The following FHIT variants were observed in gnomAD, a reference collection of about 807,000 sequenced individuals.
FHIT encodes bis(5'-adenosyl)-triphosphatase.
FHIT carries 19 observed loss-of-function variants against 17.9 expected under a neutral mutation model. The observed-to-expected ratio is 1.06, with a 90% CI of 0.74 to 1.56. The LOEUF (loss-of-function observed/expected upper bound fraction) is 1.56, where lower values mean the gene tolerates loss of function less well. Among genes scored for constraint, FHIT ranks in the 40% most tolerant of loss-of-function variants. The pLI is 0.00. For synonymous variants in FHIT, 81 were observed against 69.7 expected, an observed-to-expected ratio of 1.16 and a Z score of -0.81; for missense variants, 248 against 189.2, an observed-to-expected ratio of 1.31 and a Z score of -1.82.
chr3:61,016,114 A>C (rs2032091859), intron 3 of FHIT, among the ~76,000 whole-genome samples: 1 of 152,188 alleles, frequency 6.6e-6, no homozygotes, highest in Non-Finnish European at 1.5e-5. Context: ...AAAAGTTGTA[A>C]ACACATTTAA....
chr3:60,376,169 G>A (rs907700967), intron 5 of FHIT, among the ~76,000 whole-genome samples: 6 of 152,080 alleles, frequency 3.9e-5, no homozygotes, highest in African/African-American at 1.4e-4. Context: ...AAATTATTGA[G>A]ATTTTAAGTA....
intron 5 of FHIT, among the ~76,000 whole-genome samples, chr3:60,472,369 A>AT (rs370195823): frequency 0.35 from 46,716 of 134,512 alleles, 9,152 homozygotes; most frequent in East Asian, 0.6. Context: ...ACAATGCTGT[A>AT]TTTTTTTTTT....
At chr3:60,772,985 T>C (rs1553723554) in intron 4 of FHIT, among the ~76,000 whole-genome samples, 1 of 152,104 alleles carries the variant, frequency 6.6e-6, no homozygotes, top group East Asian at 1.9e-4. Context: ...CAAACTACCT[T>C]TGAAAAGCCC....
At chr3:60,498,192 T>C (rs79012902) in intron 5 of FHIT, among the ~76,000 whole-genome samples, 2,510 of 152,314 alleles carry the variant, frequency 0.016, 46 homozygotes, top group South Asian at 0.072. Flanking sequence ...TTAAATACTA[T>C]TTTAAATTTA....
At chr3:60,062,563 T>C (rs547416074) in intron 5 of FHIT, among the ~76,000 whole-genome samples, 1 of 152,274 alleles carries the variant, frequency 6.6e-6, no homozygotes, top group South Asian at 2.1e-4. Context: ...TAACCCCAGG[T>C]CTCCCAACCC....
At chr3:60,959,637 C>G (rs1553779993) in intron 3 of FHIT, among the ~76,000 whole-genome samples, 3 of 151,928 alleles carry the variant, frequency 2.0e-5, no homozygotes, top group African/African-American at 7.3e-5. Context: ...GAAAATGAAG[C>G]CACTGGAGAT....
At position 59,821,752 on chromosome 3, in the gene FHIT, T is replaced by C. The variant is rs531594584; in HGVS notation, c.349-69431A>G. On this transcript the variant is annotated intron_variant, in intron 8 of 9. Transcript: ENST00000492590. ...TCTGCTCCTGGTTCTTAGAGTTTTT[T>C]TTTAAAAAAAATATATAAATGATCT... 3.5e-3 allele frequency among the ~76,000 whole-genome samples: 533 copies of C among 152,244 alleles called. 6 individuals carry two copies. Among genetic ancestry groups the C allele is most frequent in the Non-Finnish European group, 6.1e-3 (414 of 68,004 alleles).
chr3:60,075,724 T>G (rs1267893647), intron 5 of FHIT, among the ~76,000 whole-genome samples: 1 of 152,044 alleles, frequency 6.6e-6, no homozygotes, highest in Non-Finnish European at 1.5e-5. Context: ...GAACTCCTAT[T>G]CTCTATAATA....
chr3:60,937,948 G>T (rs1443513728), intron 3 of FHIT, among the ~76,000 whole-genome samples: 1 of 152,038 alleles, frequency 6.6e-6, no homozygotes, highest in Non-Finnish European at 1.5e-5. Flanking sequence ...ACCAATCCCT[G>T]TCGCTGGAAC....
At chr3:60,630,570 G>A (rs1226811352) in intron 4 of FHIT, among the ~76,000 whole-genome samples, 1 of 152,148 alleles carries the variant, frequency 6.6e-6, no homozygotes, top group Admixed American at 6.5e-5. Flanking sequence ...GGAACTAATT[G>A]TGTTCTAGAT....
At position 61,230,709 on chromosome 3, in the gene FHIT, A is replaced by T. The variant is rs994391801; in HGVS notation, c.-213+20592T>A. On this transcript the variant is annotated intron_variant, in intron 1 of 9. Coordinates refer to ENST00000492590, the MANE Select transcript of FHIT (RefSeq NM_002012.4). ...ACCAGTACCTAGCAAAATGAGAAAA[A>T]TTTAAAAAATAATAATTTTTTAAAT... is the stretch of plus-strand genomic sequence containing the variant. Among the ~76,000 whole-genome samples, 3 of 152,184 alleles carry T rather than the reference A, an allele frequency of 2.0e-5. 1 individual carries two copies. Among genetic ancestry groups the T allele is most frequent in the Admixed American group, 1.3e-4 (2 of 15,276 alleles).
intron 5 of FHIT, among the ~76,000 whole-genome samples, chr3:60,277,292 G>A (rs953055975): frequency 6.6e-6 from 1 of 152,074 alleles, no homozygotes; most frequent in Non-Finnish European, 1.5e-5. Flanking sequence ...GTGAGGGTAT[G>A]GAGTCCTCCG....
chr3:60,052,141 C>G (rs988491926), intron 5 of FHIT, among the ~76,000 whole-genome samples: 1 of 152,120 alleles, frequency 6.6e-6, no homozygotes, highest in Non-Finnish European at 1.5e-5. Context: ...AAACTTGGAA[C>G]AGAGGTGAAT....
intron 4 of FHIT, among the ~76,000 whole-genome samples, chr3:60,569,755 A>ATATATATATATATTTTTTTTTTTTTT: frequency 2.6e-5 from 2 of 77,340 alleles, no homozygotes; most frequent in African/African-American, 9.7e-5. Flanking sequence ...ATATATATAT[A>ATATATATATATATTTTTTTTTTTTTT]TTTTTTTTTT....
chr3:61,085,608 C>T (rs996448292), intron 2 of FHIT, among the ~76,000 whole-genome samples: 8 of 151,952 alleles, frequency 5.3e-5, no homozygotes, highest in Non-Finnish European at 8.8e-5. Flanking sequence ...AAATAACTCA[C>T]GTTTTAAAAT....
At chr3:60,549,733 G>C (rs1442007845) in intron 4 of FHIT, among the ~76,000 whole-genome samples, 2 of 152,134 alleles carry the variant, frequency 1.3e-5, no homozygotes, top group East Asian at 3.9e-4. Context: ...AATCTACCAT[G>C]AAAATTAATG....
chr3:60,289,322 A>T (rs1357218439), intron 5 of FHIT, among the ~76,000 whole-genome samples: 1 of 152,200 alleles, frequency 6.6e-6, no homozygotes, highest in Admixed American at 6.5e-5. Context: ...ATGAATCTTT[A>T]GACCTAGATA....
At chr3:60,046,723 A>T (rs1701667921) in intron 5 of FHIT, among the ~76,000 whole-genome samples, 1 of 152,230 alleles carries the variant, frequency 6.6e-6, no homozygotes, top group Non-Finnish European at 1.5e-5. Context: ...TAGTAGAAAA[A>T]TTTTGTCTGT....
chr3:60,929,582 C>A (rs9864149), intron 3 of FHIT, among the ~76,000 whole-genome samples: 146,874 of 152,186 alleles, frequency 0.97, 71,089 homozygotes, highest in East Asian at 1. Flanking sequence ...ACAAACAGAG[C>A]GCCAAATCAT....
Sources: allele counts gnomAD v4.1 joint callset (sites outside exome capture counted in the v4.1 genomes callset), GRCh38; gene constraint gnomAD v4.1.1; transcripts MANE v1.5; gene names NCBI Gene and HGNC (gene_info 2026-07-23, HGNC 2026-07-21).